The following ARAP1 variants were observed in gnomAD, a reference collection of about 807,000 sequenced individuals.
ARAP1 encodes the protein arf-GAP with Rho-GAP domain, ANK repeat and PH domain-containing protein 1.
ARAP1 carries 76 observed loss-of-function variants against 172.2 expected under a neutral mutation model. The observed-to-expected ratio is 0.44, with a 90% confidence interval of 0.37 to 0.53. The LOEUF (loss-of-function observed/expected upper bound fraction) is 0.53. Among genes scored for constraint, ARAP1 ranks in the 20% least tolerant of loss-of-function variants. The probability of loss-of-function intolerance (pLI) is 0.00; values close to 1 mark genes in which losing one functional copy is unlikely to be tolerated. For missense variants in ARAP1, 1,686 were observed against 1,977.5 expected (o/e 0.85, Z 2.80); for synonymous variants, 804 against 803.3 (o/e 1.00, Z -0.01).
intron 6 of ARAP1, 26 bp from the exon 7 acceptor site, chr11:72,712,365 G>A (rs547220896): frequency 8.4e-6 from 13 of 1,541,520 alleles, no homozygotes; most frequent in East Asian, 4.6e-5. Flanking sequence ...GGGATGGGGG[G>A]CCGGGCTGAG....
At chr11:72,703,754 G>A (rs114959468) in intron 14 of ARAP1, 344 of 194,826 alleles carry the variant, frequency 1.8e-3, no homozygotes, top group African/African-American at 7.5e-3. Context: ...GGGCCCATGC[G>A]GGGCCTCATC....
chr11:72,696,120 G>C (rs925107083), intron 23 of ARAP1, among the ~76,000 whole-genome samples: 1 of 152,058 alleles, frequency 6.6e-6, no homozygotes, highest in African/African-American at 2.4e-5. Flanking sequence ...TCTGGCAGAA[G>C]GGATTGGTTT....
chr11:72,744,533 A>G (rs909905693), intron 1 of ARAP1, among the ~76,000 whole-genome samples: 1 of 152,020 alleles, frequency 6.6e-6, no homozygotes, highest in Non-Finnish European at 1.5e-5. Context: ...CACCAAATCA[A>G]CCTTCCACAT....
At chr11:72,747,496 A>G (rs1159969505) in intron 1 of ARAP1, among the ~76,000 whole-genome samples, 1 of 152,178 alleles carries the variant, frequency 6.6e-6, no homozygotes, top group Non-Finnish European at 1.5e-5. Context: ...GTAACAAGGC[A>G]GTGTGGGCAG....
chr11:72,721,043 A>G (rs1441099943), intron 3 of ARAP1, among the ~76,000 whole-genome samples: 1 of 152,036 alleles, frequency 6.6e-6, no homozygotes, highest in East Asian at 1.9e-4. Flanking sequence ...GGGAGCTCAC[A>G]GAAGTACTGA....
chr11:72,688,637 CTT>C (rs1855794069), intron 30 of ARAP1, 100 bp from the exon 31 acceptor site: 1 of 999,756 alleles, frequency 1.0e-6, no homozygotes, highest in Non-Finnish European at 1.5e-6. Context: ...CCCCAGCCCT[CTT>C]TGCATCCCAG....
intron 33 of ARAP1, among the ~76,000 whole-genome samples, chr11:72,686,749 G>A (rs1306988923): frequency 1.3e-5 from 2 of 152,138 alleles, no homozygotes; most frequent in Non-Finnish European, 1.5e-5. Flanking sequence ...TCACTGGCCT[G>A]CTCACCTCTG....
At chr11:72,722,611 G>A (rs935454587) in intron 3 of ARAP1, among the ~76,000 whole-genome samples, 1 of 152,206 alleles carries the variant, frequency 6.6e-6, no homozygotes, top group African/African-American at 2.4e-5. Context: ...TCAGCCTCCA[G>A]GAAGACCAGG....
rs1855676533 is a variant in ARAP1, at chr11:72,686,195, G to A, written c.4186-4C>T. 6.2e-7 allele frequency: 1 copy of A among 1,610,552 alleles called. No individual in the cohort carries two copies. The highest frequency in any genetic ancestry group is 8.5e-7 in the Non-Finnish European group (1 of 1,177,692). On this transcript the variant is annotated splice_polypyrimidine_tract_variant and splice_region_variant and intron_variant, in intron 33 of 34. Coordinates refer to ENST00000393609, the MANE Select transcript of ARAP1 (RefSeq NM_001040118.3). ...AGGGCCACACCAGGCCGTCATGCTGGGGAGCAGAGAGGAAGGGGCTGGGCT... is the reference window on the plus strand; with the variant it reads ...AGGGCCACACCAGGCCGTCATGCTGAGGAGCAGAGAGGAAGGGGCTGGGCT...
chr11:72,719,072 T>C (rs1235303178), intron 3 of ARAP1, among the ~76,000 whole-genome samples: 3 of 152,102 alleles, frequency 2.0e-5, no homozygotes, highest in Non-Finnish European at 2.9e-5. Flanking sequence ...CACAGGGATG[T>C]TGGATTATTT....
rs369594352 is a variant in ARAP1 at position 72,726,826 on chromosome 11, C to T, written c.303G>A (p.Pro101=). 4.0e-5 allele frequency: 63 copies of T among 1,565,406 alleles called. No individual in the cohort carries two copies. Among genetic ancestry groups the T allele is most frequent in the Admixed American group, 2.6e-4 (14 of 52,888 alleles). ...SPPVPATPPE[P]LPTTTEDEGL... ...CCTCATCCTCTGTAGTGGTGGGCAG[C>T]GGCTCGGGTGGAGTGGCAGGCACAG... Residue 101 remains proline (P), a synonymous_variant, in exon 3 of 35, where the codon CCG becomes CCA. Transcript: ENST00000393609. The surrounding 1 kb of genome is among the most constrained non-coding windows in gnomAD (Gnocchi z 6.5).
intron 1 of ARAP1, among the ~76,000 whole-genome samples, chr11:72,733,530 T>C (rs1394861884): frequency 1.3e-5 from 2 of 152,026 alleles, no homozygotes; most frequent in Non-Finnish European, 2.9e-5. Flanking sequence ...GGAGAAAGAA[T>C]AGGATATTCC....
chr11:72,719,417 G>T (rs1857415736), intron 3 of ARAP1, among the ~76,000 whole-genome samples: 1 of 152,222 alleles, frequency 6.6e-6, no homozygotes, highest in Non-Finnish European at 1.5e-5. Context: ...ACAGGGCTTG[G>T]AGCCAGGCAG....
intron 14 of ARAP1, 158 bp downstream of exon 14, chr11:72,703,994 G>T: frequency 2.0e-6 from 2 of 1,001,942 alleles, no homozygotes; most frequent in Non-Finnish European, 2.9e-6. Flanking sequence ...TTTTCACATG[G>T]CTTAGGCAGG....
Position 72,697,623 on chromosome 11 carries a change from C to G in ARAP1, c.2764G>C (p.Val922Leu). The change falls in exon 20 of 35, where the codon GTG (valine) becomes CTG (leucine). Residue 922 changes from valine to leucine, a missense_variant. Coordinates refer to ENST00000393609, the MANE Select transcript of ARAP1 (RefSeq NM_001040118.3). ...CTCCTTCGCTCCACCAGCACCAGCACCTGGTTCTCACTGTCCCCCTGGATG... is the reference window on the plus strand; with the variant it reads ...CTCCTTCGCTCCACCAGCACCAGCAGCTGGTTCTCACTGTCCCCCTGGATG... ...LSIQGDSENQ[V>L]LVLVERRRTL... 1 of 1,614,156 alleles carries G rather than the reference C, an allele frequency of 6.2e-7. No individual in the cohort carries two copies. Among genetic ancestry groups the G allele is most frequent in the Non-Finnish European group, 8.5e-7 (1 of 1,179,992 alleles).
rs569165017 is a variant in ARAP1 at position 72,710,075 on chromosome 11, G to A, written c.1417-99C>T. 2 of 978,964 alleles carry A rather than the reference G, an allele frequency of 2.0e-6. No homozygotes were observed. The highest frequency in any genetic ancestry group is 2.7e-5 in the South Asian group (2 of 73,410). 60.6% of individuals were successfully genotyped at this position (978,964 alleles called of 1,614,324 possible). A position where few individuals can be genotyped will look rare whatever the true frequency, so the allele number is the denominator to read the frequency against. On this transcript the variant is annotated intron_variant, in intron 10 of 34. Transcript: ENST00000393609. This position sits in a 1 kb window ranked among gnomAD's most constrained non-coding sequence, Gnocchi z 4.3. ...GGGAAGGTGGTGCAACTCAGGGACT[G>A]GGGGGGGTGCCCAGGAGGGAGACAG...
chr11:72,742,973 AG>A (rs1565233537), intron 1 of ARAP1, among the ~76,000 whole-genome samples: 1 of 152,152 alleles, frequency 6.6e-6, no homozygotes, highest in Non-Finnish European at 1.5e-5. Context: ...GTTCTTGCCC[AG>A]GCATCTCCAT....
chr11:72,695,099 T>C lies in ARAP1; in HGVS notation c.3577-2A>G. 6.2e-7 allele frequency: 1 copy of C among 1,613,750 alleles called. No homozygotes were observed. The stretch of plus-strand genomic sequence containing the variant: ...CTCAGCAGTCATGGATGCTGGGACC[T>C]GCAAGGACCAAGGAGGAGATTAGCC... On this transcript the variant is annotated splice_acceptor_variant, in intron 26 of 34. Transcript: ENST00000393609. LOFTEE classifies it high-confidence loss of function. This position sits in a 1 kb window ranked among gnomAD's most constrained non-coding sequence, Gnocchi z 4.4.
rs982120601 is a variant in ARAP1, at chr11:72,703,286, C to T, written c.1993-207G>A. On this transcript the variant is annotated intron_variant, in intron 14 of 34. Coordinates refer to ENST00000393609, the MANE Select transcript of ARAP1 (RefSeq NM_001040118.3). ...GGGAGGAGGGGTGAGCAGGGGCTGC[C>T]TAGCAGAGGCCAGGGGATCCCAGCT... 9.2e-6 allele frequency: 5 copies of T among 542,994 alleles called. No individual in the cohort carries two copies. The African/African-American group carries it at 9.8e-5, about 11-fold the overall frequency. The allele number at this position is 542,994 out of a possible 1,614,324, so 33.6% of individuals were successfully genotyped here. A position where few individuals can be genotyped will look rare whatever the true frequency, so the allele number is the denominator to read the frequency against.
Sources: allele counts gnomAD v4.1 joint callset (sites outside exome capture counted in the v4.1 genomes callset), GRCh38; gene constraint gnomAD v4.1.1; non-coding constraint Gnocchi (gnomAD v3.1); transcripts MANE v1.5; gene names NCBI Gene and HGNC (gene_info 2026-07-23, HGNC 2026-07-21).